Variants in CA10 observed in about 807,000 individuals in gnomAD.
The protein encoded by CA10 is carbonic anhydrase 10 (inactive).
A neutral mutation model predicts 44.2 loss-of-function variants in CA10; 14 were observed. That is an observed-to-expected ratio of 0.32 (90% CI 0.21 to 0.50). The LOEUF is 0.50. CA10 is among the 20% of genes least tolerant of loss of function. The pLI is 0.99. For missense variants in CA10, 350 were observed against 409.7 expected (o/e 0.85, Z 1.26); for synonymous variants, 159 against 141.6 (o/e 1.12, Z -0.87).
intron 2 of CA10, among the ~76,000 whole-genome samples, chr17:51,972,788 A>G (rs1332629372): frequency 6.6e-6 from 1 of 152,086 alleles, no homozygotes; most frequent in Non-Finnish European, 1.5e-5. Context: ...AAAAAAAAAC[A>G]GAAATCTAAA....
chr17:51,706,337 C>G (rs1336042826), intron 4 of CA10, among the ~76,000 whole-genome samples: 2 of 152,210 alleles, frequency 1.3e-5, no homozygotes, highest in Non-Finnish European at 2.9e-5. Context: ...CAGAAATGAG[C>G]TCTCATGGAA....
chr17:51,848,867 C>T (rs1474125772), intron 3 of CA10, among the ~76,000 whole-genome samples: 5 of 151,838 alleles, frequency 3.3e-5, no homozygotes, highest in African/African-American at 7.3e-5. Flanking sequence ...GGCAAAATCG[C>T]GAGACCCTGT....
At chr17:52,100,910 A>G (rs1202518926) in intron 1 of CA10, among the ~76,000 whole-genome samples, 1 of 152,176 alleles carries the variant, frequency 6.6e-6, no homozygotes, top group Non-Finnish European at 1.5e-5. Flanking sequence ...GGAAATAATG[A>G]TATCTTCATT....
intron 2 of CA10, among the ~76,000 whole-genome samples, chr17:52,010,097 A>C (rs899810877): frequency 7.9e-5 from 12 of 152,042 alleles, no homozygotes; most frequent in Non-Finnish European, 1.8e-4. Context: ...AAATTAAAAA[A>C]TAATAGATGT....
chr17:52,138,411 G>T (rs769158347), intron 1 of CA10, among the ~76,000 whole-genome samples: 6 of 152,092 alleles, frequency 3.9e-5, no homozygotes, highest in Non-Finnish European at 8.8e-5. Context: ...TTAGAATTAG[G>T]ACACAAACAT....
chr17:51,737,811 C>T (rs1361127363), intron 4 of CA10, among the ~76,000 whole-genome samples: 1 of 152,154 alleles, frequency 6.6e-6, no homozygotes, highest in East Asian at 1.9e-4. Context: ...TGGAGTGTGC[C>T]TCTCACCAGC....
At chr17:52,134,347 T>C (rs940435055) in intron 1 of CA10, among the ~76,000 whole-genome samples, 8 of 152,188 alleles carry the variant, frequency 5.3e-5, no homozygotes, top group African/African-American at 1.9e-4. Context: ...ATGATGGTTT[T>C]CTTTAAGAGT....
chr17:51,939,806 G>A (rs1336864370), intron 2 of CA10, among the ~76,000 whole-genome samples: 2 of 151,918 alleles, frequency 1.3e-5, no homozygotes, highest in Non-Finnish European at 2.9e-5. Context: ...TTAACCTTTT[G>A]TGACATGGTA....
At chr17:52,032,235 G>A in intron 2 of CA10, among the ~76,000 whole-genome samples, 1 of 152,122 alleles carries the variant, frequency 6.6e-6, no homozygotes, top group East Asian at 1.9e-4. Flanking sequence ...CCTTACAGGA[G>A]CAGATGAACT....
At chr17:52,087,872 G>A (rs1448077643) in intron 1 of CA10, among the ~76,000 whole-genome samples, 3 of 152,086 alleles carry the variant, frequency 2.0e-5, no homozygotes, top group Non-Finnish European at 2.9e-5. Flanking sequence ...AAGAGTTAAC[G>A]GTAGAAGCCA....
chr17:52,018,558 T>C (rs1251956204), intron 2 of CA10, among the ~76,000 whole-genome samples: 2 of 152,062 alleles, frequency 1.3e-5, no homozygotes, highest in East Asian at 3.9e-4. Flanking sequence ...GAAATAGAAA[T>C]GTTTACTCAA....
chr17:51,868,111 T>C (rs1473775892), intron 3 of CA10, among the ~76,000 whole-genome samples: 1 of 151,618 alleles, frequency 6.6e-6, no homozygotes, highest in Non-Finnish European at 1.5e-5. Context: ...TATTCTACTT[T>C]AGCTCTCTCG....
At chr17:51,872,525 C>T (rs1299300441) in intron 3 of CA10, among the ~76,000 whole-genome samples, 1 of 152,146 alleles carries the variant, frequency 6.6e-6, no homozygotes, top group Non-Finnish European at 1.5e-5. Context: ...CTGCTATCTG[C>T]CTTCTGTCAA....
intron 3 of CA10, among the ~76,000 whole-genome samples, chr17:51,846,590 G>A (rs568325524): frequency 2.4e-4 from 36 of 152,206 alleles, no homozygotes; most frequent in Non-Finnish European, 4.1e-4. Context: ...TTAAAGCTGG[G>A]CAGTCTGGCT....
chr17:51,757,825 T>C (rs1306962818), intron 3 of CA10, among the ~76,000 whole-genome samples: 1 of 152,166 alleles, frequency 6.6e-6, no homozygotes, highest in Non-Finnish European at 1.5e-5. Context: ...GATAAGAGCA[T>C]GGTGGCAGAG....
At chr17:51,748,605 C>G in intron 3 of CA10, 3 of 468,772 alleles carry the variant, frequency 6.4e-6, no homozygotes, top group Non-Finnish European at 8.4e-6. Context: ...CTTTCTTACT[C>G]TCTTGGGTTG....
chr17:51,987,433 C>T (rs11653581), intron 2 of CA10, among the ~76,000 whole-genome samples: 19,075 of 151,848 alleles, frequency 0.13, 1,241 homozygotes, highest in South Asian at 0.23. Flanking sequence ...GTGTACACTG[C>T]TCGGGTAATG....
chr17:52,154,844 C>T (rs1025857445), intron 1 of CA10, among the ~76,000 whole-genome samples: 4 of 152,200 alleles, frequency 2.6e-5, no homozygotes, highest in African/African-American at 9.6e-5. Context: ...CATTTTCCAA[C>T]AGTTTCATCA....
intron 2 of CA10, among the ~76,000 whole-genome samples, chr17:51,934,799 G>A (rs1982799868): frequency 6.6e-6 from 1 of 152,110 alleles, no homozygotes; most frequent in South Asian, 2.1e-4. Context: ...AGTGCTGTTA[G>A]GAGCGGTGTT....
Sources: gnomAD v4.1 joint callset for allele counts (sites outside exome capture counted in the v4.1 genomes callset) on GRCh38, gnomAD v4.1.1 for gene constraint, MANE v1.5 for transcripts, NCBI Gene and HGNC (gene_info 2026-07-23, HGNC 2026-07-21) for gene names.